The following FAM120B variants were observed in gnomAD, a reference collection of about 807,000 sequenced individuals.
FAM120B encodes constitutive coactivator of peroxisome proliferator-activated receptor gamma.
In FAM120B, 83 loss-of-function variants were observed where a neutral mutation model predicts 96.3. The ratio of observed to expected loss-of-function variants is 0.86; its 90% CI spans 0.72 to 1.03. FAM120B has a LOEUF of 1.03. Among genes scored for constraint, FAM120B ranks in the 50% least tolerant of loss-of-function variants. The pLI is 0.00. For missense variants in FAM120B, 1,027 were observed against 1,121.2 expected (o/e 0.92, Z 1.20); for synonymous variants, 407 against 402.7 (o/e 1.01, Z -0.13).
At chr6:170,338,407 G>A (rs898434316) in intron 4 of FAM120B, among the ~76,000 whole-genome samples, 2 of 152,094 alleles carry the variant, frequency 1.3e-5, no homozygotes, top group Non-Finnish European at 2.9e-5. Context: ...TGTTTGTTAT[G>A]ATTTCTGTTC....
At chr6:170,349,116 C>T (rs1001025627) in intron 5 of FAM120B, among the ~76,000 whole-genome samples, 6 of 152,226 alleles carry the variant, frequency 3.9e-5, no homozygotes, top group African/African-American at 7.2e-5. Flanking sequence ...ATGCTCCCAT[C>T]TCCCAGCCCC....
At chr6:170,313,247 C>T (rs1450697555) in intron 1 of FAM120B, among the ~76,000 whole-genome samples, 12 of 152,100 alleles carry the variant, frequency 7.9e-5, no homozygotes, top group Admixed American at 5.9e-4. Flanking sequence ...TTGGGATTTT[C>T]GGTCCCTGTT....
intron 6 of FAM120B, among the ~76,000 whole-genome samples, chr6:170,371,922 G>C (rs1308627663): frequency 6.6e-6 from 1 of 152,292 alleles, no homozygotes; most frequent in East Asian, 1.9e-4. Flanking sequence ...GGACCTTCAC[G>C]CAGTTTTCAA....
At position 170,404,919 on chromosome 6, in the gene FAM120B, T is replaced by C. The variant is rs1274; in HGVS notation, c.*168T>C. On this transcript the variant is annotated 3_prime_UTR_variant, in exon 11 of 11. Coordinates refer to ENST00000476287, the MANE Select transcript of FAM120B (RefSeq NM_032448.3). ...TTTTTCAATGGTGTCTCCCTCCCATTGTGCAGAAGAGCTTTTGTTGGCTTC... is the reference window on the plus strand; with the variant it reads ...TTTTTCAATGGTGTCTCCCTCCCATCGTGCAGAAGAGCTTTTGTTGGCTTC... 34,345 of 311,440 alleles carry C rather than the reference T, an allele frequency of 0.11. 2,295 individuals are homozygous for C. Among genetic ancestry groups the C allele is most frequent in the African/African-American group, 0.22 (10,133 of 46,882 alleles). The allele number at this position is 311,440 out of a possible 1,614,324, so 19.3% of individuals were successfully genotyped here.
chr6:170,345,892 G>C, intron 4 of FAM120B, among the ~76,000 whole-genome samples: 1 of 152,196 alleles, frequency 6.6e-6, no homozygotes, highest in East Asian at 1.9e-4. Flanking sequence ...GAAATGCGCA[G>C]CTAGGTGATT....
chr6:170,358,933 G>T (rs1562564245), intron 6 of FAM120B, among the ~76,000 whole-genome samples: 1 of 152,194 alleles, frequency 6.6e-6, no homozygotes, highest in Non-Finnish European at 1.5e-5. Flanking sequence ...GTTGTTTCCT[G>T]TTAGAATATC....
intron 9 of FAM120B, among the ~76,000 whole-genome samples, chr6:170,397,129 A>C (rs1186058809): frequency 6.6e-6 from 1 of 152,244 alleles, no homozygotes; most frequent in Non-Finnish European, 1.5e-5. Flanking sequence ...ATCTGTCTGC[A>C]GCTGGCCGTG....
chr6:170,309,895 T>G (rs914644340), intron 1 of FAM120B, among the ~76,000 whole-genome samples: 3 of 152,260 alleles, frequency 2.0e-5, no homozygotes, highest in African/African-American at 7.2e-5. Flanking sequence ...TAAACTTTCC[T>G]CAATGCTCTC....
chr6:170,398,923 C>A (rs61593970), intron 9 of FAM120B, among the ~76,000 whole-genome samples: 67 of 148,970 alleles, frequency 4.5e-4, no homozygotes, highest in African/African-American at 1.7e-3. Flanking sequence ...TATGTCATAA[C>A]CCTTAGGAGT....
intron 8 of FAM120B, 44 bp downstream of exon 8, chr6:170,391,165 C>T: frequency 7.8e-7 from 1 of 1,283,872 alleles, no homozygotes; most frequent in South Asian, 1.2e-5. Flanking sequence ...CAAGCGTAGA[C>T]CCTAACTGCT....
intron 5 of FAM120B, among the ~76,000 whole-genome samples, chr6:170,348,768 A>G (rs1787384071): frequency 6.6e-6 from 1 of 152,140 alleles, no homozygotes; most frequent in Non-Finnish European, 1.5e-5. Context: ...TTCCTATGTC[A>G]GTTTCATTCC....
At chr6:170,372,203 AT>A (rs573455356) in intron 6 of FAM120B, among the ~76,000 whole-genome samples, 32 of 152,174 alleles carry the variant, frequency 2.1e-4, no homozygotes, top group African/African-American at 6.3e-4. Flanking sequence ...TTTAATTAAA[AT>A]TTTTTTTAAG....
intron 4 of FAM120B, among the ~76,000 whole-genome samples, chr6:170,336,573 T>G (rs1786437499): frequency 6.6e-6 from 1 of 152,198 alleles, no homozygotes; most frequent in Non-Finnish European, 1.5e-5. Flanking sequence ...ATGAAGAAAG[T>G]CAATGTTAGC....
In FAM120B at chr6:170,404,457, A is replaced by G. The variant is rs1442789197; in HGVS notation, c.2693-93A>G. ...CTGTGTCCTCCAAATACAGCTCAGC[A>G]TCTTTGTTCATACTTAGAAATGTGC... On this transcript the variant is annotated intron_variant, in intron 9 of 10. Transcript: ENST00000476287. 4.5e-6 allele frequency: 5 copies of G among 1,105,494 alleles called. No individual in the cohort carries two copies. In the African/African-American group the frequency reaches 4.6e-5, roughly 10 times the overall value. 68.5% of individuals were successfully genotyped at this position (1,105,494 alleles called of 1,614,324 possible).
Position 170,370,205 on chromosome 6 carries a change from C to A in FAM120B, c.2283+11887C>A, listed in dbSNP as rs988815663. On this transcript the variant is annotated intron_variant, in intron 6 of 10. Coordinates refer to ENST00000476287, the MANE Select transcript of FAM120B (RefSeq NM_032448.3). The surrounding 1 kb of genome is among the most constrained non-coding windows in gnomAD (Gnocchi z 4.3). ...CTCACAGACTTCCCCAGCGGGGCGG[C>A]CCCCAGGCCTTGTGTCCTCCTGCTC... Among the ~76,000 whole-genome samples, 10 of 152,216 alleles carry A rather than the reference C, an allele frequency of 6.6e-5. No homozygotes were observed. Among genetic ancestry groups the A allele is most frequent in the Non-Finnish European group, 1.2e-4 (8 of 68,038 alleles).
rs188811784 is a variant in FAM120B, at chr6:170,335,519, G to A, written c.2017+4969G>A. On this transcript the variant is annotated intron_variant, in intron 4 of 10. Transcript: ENST00000476287. ...GTAAATAGTACTGCAGTAAACATACGTGTGCATGTGTCTTTATAGTAGAAA... is the reference window on the plus strand; with the variant it reads ...GTAAATAGTACTGCAGTAAACATACATGTGCATGTGTCTTTATAGTAGAAA... 1.9e-4 allele frequency among the ~76,000 whole-genome samples: 29 copies of A among 152,206 alleles called. 1 individual carries two copies. The Middle Eastern group carries it at 0.014, about 71-fold the overall frequency.
rs1783984965 is a variant in FAM120B at position 170,295,755 on chromosome 6, T to C, written c.48+302T>C. Among the ~76,000 whole-genome samples, 1 of 151,850 alleles carries C rather than the reference T, an allele frequency of 6.6e-6. No homozygotes were observed. The highest frequency in any genetic ancestry group is 6.5e-5 in the Admixed American group (1 of 15,276). ...CCGTGCAGAGAACAGGAAGACGGGC[T>C]CCAACCCCACCTGGTTCGTGTCGGG... is the stretch of plus-strand genomic sequence containing the variant. On this transcript the variant is annotated intron_variant, in intron 1 of 10. Coordinates refer to the FAM120B transcript ENST00000537664. This position sits in a 1 kb window ranked among gnomAD's most constrained non-coding sequence, Gnocchi z 7.8.
rs78255786 is a variant in FAM120B at position 170,344,912 on chromosome 6, C to T, written c.2018-3239C>T. ...CTCTCGTCTTTGTTCATTTCTACCC[C>T]CTCTTCAAATCTCAGCTCAAGTCTC... On this transcript the variant is annotated intron_variant, in intron 4 of 10. Transcript: ENST00000476287. 6.4e-3 allele frequency among the ~76,000 whole-genome samples: 971 copies of T among 152,304 alleles called. 5 individuals carry two copies. Among genetic ancestry groups the T allele is most frequent in the Middle Eastern group, 0.01 (3 of 294 alleles).
At chr6:170,348,442 G>A in intron 5 of FAM120B, 119 bp downstream of exon 5, 1 of 879,320 alleles carries the variant, frequency 1.1e-6, no homozygotes, top group South Asian at 1.7e-5. Flanking sequence ...CTGTTCCATG[G>A]AACATTATTA....
Sources: allele counts gnomAD v4.1 joint callset (sites outside exome capture counted in the v4.1 genomes callset), GRCh38; gene constraint gnomAD v4.1.1; non-coding constraint Gnocchi (gnomAD v3.1); transcripts MANE v1.5; gene names NCBI Gene and HGNC (gene_info 2026-07-23, HGNC 2026-07-21).